The following GRID2 variants were observed in gnomAD, a reference collection of about 807,000 sequenced individuals.
GRID2 encodes the protein glutamate ionotropic receptor delta type subunit 2, also known as glutamate receptor ionotropic, delta-2.
A neutral mutation model predicts 114.8 loss-of-function variants in GRID2; 33 were observed. That is an observed-to-expected ratio of 0.29 (90% CI 0.22 to 0.38). The LOEUF is 0.38. Among genes scored for constraint, GRID2 ranks in the 10% least tolerant of loss-of-function variants. GRID2 has a pLI of 1.00. For synonymous variants in GRID2, 505 were observed against 449.9 expected (o/e 1.12, Z -1.55); for missense variants, 1,184 against 1,257.7 (o/e 0.94, Z 0.89).
At chr4:93,509,951 T>G (rs1476043696) in intron 12 of GRID2, among the ~76,000 whole-genome samples, 1 of 152,160 alleles carries the variant, frequency 6.6e-6, no homozygotes, top group African/African-American at 2.4e-5. Flanking sequence ...GCTAATGAGC[T>G]CTCAGGGCTG....
At chr4:92,517,359 G>T (rs1724548922) in intron 1 of GRID2, among the ~76,000 whole-genome samples, 1 of 151,674 alleles carries the variant, frequency 6.6e-6, no homozygotes, top group Non-Finnish European at 1.5e-5. Context: ...ATTTCATAAT[G>T]TTATCTTTCA....
chr4:92,369,739 T>C (rs915734390), intron 1 of GRID2, among the ~76,000 whole-genome samples: 12 of 152,180 alleles, frequency 7.9e-5, no homozygotes, highest in African/African-American at 2.7e-4. Flanking sequence ...TAGAACCACA[T>C]AGAATTGAGG....
intron 2 of GRID2, among the ~76,000 whole-genome samples, chr4:92,878,760 C>G (rs555644742): frequency 6.6e-6 from 1 of 151,908 alleles, no homozygotes; most frequent in Non-Finnish European, 1.5e-5. Context: ...TCCCTGAGCT[C>G]AAAGTTTATC....
intron 8 of GRID2, among the ~76,000 whole-genome samples, chr4:93,342,082 T>A (rs10029233): frequency 0.7 from 106,642 of 151,932 alleles, 38,428 homozygotes; most frequent in African/African-American, 0.87. Context: ...TATAGCACTG[T>A]GAGATAGCAT....
At chr4:92,578,152 T>C (rs1727996680) in intron 1 of GRID2, among the ~76,000 whole-genome samples, 1 of 147,326 alleles carries the variant, frequency 6.8e-6, no homozygotes, top group Admixed American at 6.8e-5. Context: ...AGTTTTAGGG[T>C]ACATGTGCAC....
chr4:92,967,932 A>G (rs2149166458), intron 2 of GRID2, among the ~76,000 whole-genome samples: 1 of 151,982 alleles, frequency 6.6e-6, no homozygotes, highest in African/African-American at 2.4e-5. Context: ...CTCTATTAGC[A>G]TTCTATCACT....
intron 2 of GRID2, among the ~76,000 whole-genome samples, chr4:92,962,551 C>T (rs1397672146): frequency 3.3e-5 from 5 of 151,954 alleles, no homozygotes; most frequent in East Asian, 1.9e-4. Flanking sequence ...AATTAACCCC[C>T]AGTAGGTTAG....
intron 1 of GRID2, among the ~76,000 whole-genome samples, chr4:92,585,876 C>T (rs1054192658): frequency 5.3e-5 from 8 of 151,804 alleles, no homozygotes; most frequent in Non-Finnish European, 7.4e-5. Context: ...TTTCTGGAAT[C>T]GTAATAATGC....
intron 1 of GRID2, among the ~76,000 whole-genome samples, chr4:93,806,295 G>T (rs1561010639): frequency 6.6e-6 from 1 of 152,168 alleles, no homozygotes; most frequent in Non-Finnish European, 1.5e-5. Context: ...TAAGCAAACA[G>T]GCTCCAGGAT....
intron 11 of GRID2, among the ~76,000 whole-genome samples, chr4:93,459,032 A>G (rs1723472981): frequency 6.6e-6 from 1 of 151,718 alleles, no homozygotes; most frequent in South Asian, 2.1e-4. Context: ...ATACAAAAAA[A>G]TGCCAGGCAT....
At chr4:93,140,232 C>T (rs906024614) in intron 4 of GRID2, among the ~76,000 whole-genome samples, 2 of 150,570 alleles carry the variant, frequency 1.3e-5, no homozygotes, top group African/African-American at 2.4e-5. Context: ...GACCACCGCT[C>T]ACTGCAAGCT....
intron 12 of GRID2, among the ~76,000 whole-genome samples, chr4:93,511,491 A>C (rs1729175692): frequency 6.6e-6 from 1 of 152,138 alleles, no homozygotes; most frequent in Admixed American, 6.6e-5. Flanking sequence ...AATCTCAGTC[A>C]GGTGTCAAGA....
intron 2 of GRID2, among the ~76,000 whole-genome samples, chr4:92,700,642 A>G (rs2061889): frequency 0.26 from 38,835 of 152,090 alleles, 5,181 homozygotes; most frequent in East Asian, 0.43. Context: ...GGGTTTAAGG[A>G]ATATTTTATG....
intron 2 of GRID2, among the ~76,000 whole-genome samples, chr4:92,894,301 T>G (rs371467526): frequency 6.6e-6 from 1 of 152,150 alleles, no homozygotes; most frequent in Admixed American, 6.5e-5. Context: ...TTTATTTGCT[T>G]ATTATTTTTC....
intron 14 of GRID2, among the ~76,000 whole-genome samples, chr4:93,708,698 T>A (rs1728217813): frequency 6.6e-6 from 1 of 152,062 alleles, no homozygotes; most frequent in Non-Finnish European, 1.5e-5. Context: ...GACTTACTAC[T>A]GCCAATTTAT....
chr4:92,619,727 C>G (rs966022987), intron 2 of GRID2, among the ~76,000 whole-genome samples: 3 of 151,702 alleles, frequency 2.0e-5, no homozygotes, highest in African/African-American at 7.3e-5. Flanking sequence ...TCAGTATTTT[C>G]AGTATTTGCT....
intron 13 of GRID2, among the ~76,000 whole-genome samples, chr4:93,578,901 T>C (rs1736700709): frequency 6.6e-6 from 1 of 152,160 alleles, no homozygotes; most frequent in Admixed American, 6.5e-5. Context: ...CTGCCTTGCT[T>C]TCATTAACTG....
At chr4:92,357,917 T>C (rs1210498974) in intron 1 of GRID2, among the ~76,000 whole-genome samples, 1 of 151,940 alleles carries the variant, frequency 6.6e-6, no homozygotes, top group Non-Finnish European at 1.5e-5. Flanking sequence ...TAAGACATAT[T>C]TGACAAGTTT....
intron 8 of GRID2, among the ~76,000 whole-genome samples, chr4:93,379,551 A>G (rs1421519281): frequency 6.6e-6 from 1 of 152,138 alleles, no homozygotes; most frequent in Non-Finnish European, 1.5e-5. Flanking sequence ...TCAGCCATAA[A>G]TGTCTAAGGG....
Sources: gnomAD v4.1 joint callset for allele counts (sites outside exome capture counted in the v4.1 genomes callset) on GRCh38, gnomAD v4.1.1 for gene constraint, MANE v1.5 for transcripts, NCBI Gene and HGNC (gene_info 2026-07-23, HGNC 2026-07-21) for gene names.